The following KYNU variants were observed in gnomAD, a reference collection of about 807,000 sequenced individuals.
KYNU encodes L-kynurenine hydrolase.
Under a neutral mutation model 59.2 loss-of-function variants are expected in KYNU, and 54 were observed. The ratio of observed to expected loss-of-function variants is 0.91; its 90% CI spans 0.73 to 1.14. The LOEUF (loss-of-function observed/expected upper bound fraction) is 1.14. KYNU is among the 50% of genes most tolerant of loss of function. The pLI is 0.00. For synonymous variants in KYNU, 177 were observed against 192.0 expected, an observed-to-expected ratio of 0.92 and a Z score of 0.65; for missense variants, 567 against 554.4, an observed-to-expected ratio of 1.02 and a Z score of -0.23.
At chr2:142,881,411 C>A (rs1180556646) in intron 1 of KYNU, 1 of 152,140 alleles carries the variant, frequency 6.6e-6, no homozygotes, top group East Asian at 1.9e-4. Context: ...CCAAAAAGTA[C>A]AAGAATGAAA....
At chr2:142,887,595 C>A (rs1681562076) in intron 2 of KYNU, among the ~76,000 whole-genome samples, 1 of 152,132 alleles carries the variant, frequency 6.6e-6, no homozygotes, top group South Asian at 2.1e-4. Flanking sequence ...TTAAAAAGAA[C>A]CATGCTCTAC....
Position 143,046,655 on chromosome 2 carries a change from C to T in KYNU, c.*4483C>T, listed in dbSNP as rs761858575. The T allele has an allele frequency of 2.6e-5, 4 of 151,428 alleles. No individual in the cohort carries two copies. The highest frequency in any genetic ancestry group is 6.6e-5 in the Admixed American group (1 of 15,178). 9.4% of individuals were successfully genotyped at this position (151,428 alleles called of 1,614,324 possible). ...ACACTGGCTAATTTGCTTGTTTTTT[C>T]ATCAATACTTCACTTCCTTAATTAC... On this transcript the variant is annotated 3_prime_UTR_variant, in exon 14 of 14. Coordinates refer to ENST00000264170, the MANE Select transcript of KYNU (RefSeq NM_003937.3).
chr2:142,961,192 C>CA (rs71404458), intron 8 of KYNU, among the ~76,000 whole-genome samples: 24,783 of 110,492 alleles, frequency 0.22, 5,458 homozygotes, highest in African/African-American at 0.56. Context: ...GACTCCATCT[C>CA]AAAAAAAAAA....
intron 1 of KYNU, among the ~76,000 whole-genome samples, chr2:142,881,908 TC>T (rs1681311021): frequency 1.5e-5 from 2 of 129,724 alleles, no homozygotes; most frequent in Admixed American, 8.5e-5. Context: ...GCTTTTCTTT[TC>T]TTTTTTCTTT....
At chr2:143,013,424 C>A (rs773309798) in intron 10 of KYNU, among the ~76,000 whole-genome samples, 7 of 151,978 alleles carry the variant, frequency 4.6e-5, no homozygotes, top group African/African-American at 7.3e-5. Context: ...GTGCAGATAT[C>A]TTTACAAGGT....
intron 4 of KYNU, among the ~76,000 whole-genome samples, chr2:142,949,239 C>T (rs112822852): frequency 0.066 from 10,035 of 152,196 alleles, 859 homozygotes; most frequent in African/African-American, 0.2. Context: ...CTTTTCTGGG[C>T]GCATGGTGCA....
intron 6 of KYNU, among the ~76,000 whole-genome samples, chr2:142,956,841 CAAAT>C (rs1211736927): frequency 1.3e-5 from 2 of 152,020 alleles, no homozygotes; most frequent in African/African-American, 4.8e-5. Flanking sequence ...GACACAAACA[CAAAT>C]AAAAGTACAA....
intron 10 of KYNU, among the ~76,000 whole-genome samples, chr2:143,006,778 A>AC (rs552228378): frequency 4.2e-4 from 64 of 151,478 alleles, no homozygotes; most frequent in Admixed American, 2.2e-3. Flanking sequence ...ACTGGGAGGC[A>AC]CCCCCCAGCA....
intron 10 of KYNU, among the ~76,000 whole-genome samples, chr2:143,000,632 G>T (rs529351018): frequency 5.4e-5 from 8 of 147,742 alleles, no homozygotes; most frequent in Non-Finnish European, 1.2e-4. Flanking sequence ...TCTGGCACTA[G>T]AAAAGCTTTT....
At chr2:142,918,768 AC>A (rs759168096) in intron 3 of KYNU, 39 bp downstream of exon 3, 1 of 1,582,440 alleles carries the variant, frequency 6.3e-7, no homozygotes, top group Non-Finnish European at 8.7e-7. Context: ...TACATCTCAT[AC>A]AAAAATTTAC....
At chr2:142,947,040 A>C in intron 4 of KYNU, 1 of 1,546,926 alleles carries the variant, frequency 6.5e-7, no homozygotes, top group Non-Finnish European at 8.7e-7. Context: ...GCTGATTCTC[A>C]CCTCACCCTT....
At chr2:142,880,171 A>G (rs75916027) in intron 1 of KYNU, among the ~76,000 whole-genome samples, 2,395 of 152,334 alleles carry the variant, frequency 0.016, 61 homozygotes, top group African/African-American at 0.055. Flanking sequence ...GATAAATTAA[A>G]CATGATTCAG....
At chr2:142,879,320 C>T (rs1162356080) in intron 1 of KYNU, 1 of 152,150 alleles carries the variant, frequency 6.6e-6, no homozygotes, top group Non-Finnish European at 1.5e-5. Context: ...AAGACTATGC[C>T]CATCAGGTAT....
At position 143,040,903 on chromosome 2, in the gene KYNU, A is replaced by T. The variant is rs191624513; in HGVS notation, c.1272+245A>T. On this transcript the variant is annotated intron_variant, in intron 13 of 13. Coordinates refer to ENST00000264170, the MANE Select transcript of KYNU (RefSeq NM_003937.3). ...AGGAATAGTTTTTTGTAACTTACTC[A>T]TTCTTTTCATAACAGTTTGGGCAGA... Among the ~76,000 whole-genome samples the T allele has an allele frequency of 3.0e-4, 46 of 152,210 alleles. No individual in the cohort carries two copies. The East Asian group carries it at 5.8e-3, about 19-fold the overall frequency.
intron 3 of KYNU, among the ~76,000 whole-genome samples, chr2:142,922,259 G>A (rs538532591): frequency 6.6e-6 from 1 of 152,216 alleles, no homozygotes; most frequent in African/African-American, 2.4e-5. Flanking sequence ...CCAGGACTTT[G>A]GGAGGCCAAG....
At chr2:142,964,171 G>T (rs1203096662) in intron 8 of KYNU, among the ~76,000 whole-genome samples, 5 of 150,758 alleles carry the variant, frequency 3.3e-5, no homozygotes, top group Non-Finnish European at 7.4e-5. Context: ...TAGATCACAG[G>T]TTTTTTCCGT....
chr2:142,898,204 C>G (rs571108921), intron 2 of KYNU, among the ~76,000 whole-genome samples: 30 of 152,262 alleles, frequency 2.0e-4, no homozygotes, highest in African/African-American at 7.2e-4. Context: ...ACCAGCAAAT[C>G]ATACATTTCT....
intron 2 of KYNU, among the ~76,000 whole-genome samples, chr2:142,887,880 T>A (rs1336400222): frequency 6.6e-6 from 1 of 152,196 alleles, no homozygotes; most frequent in Non-Finnish European, 1.5e-5. Context: ...CACTTAAAAT[T>A]GTTAACAGAA....
chr2:142,989,549 A>G, intron 10 of KYNU: 1 of 933,084 alleles, frequency 1.1e-6, no homozygotes, highest in Non-Finnish European at 1.3e-6. Flanking sequence ...ATTTCTTCTC[A>G]TGGTCCACTC....
Sources: gnomAD v4.1 joint callset for allele counts (sites outside exome capture counted in the v4.1 genomes callset) on GRCh38, gnomAD v4.1.1 for gene constraint, MANE v1.5 for transcripts, NCBI Gene and HGNC (gene_info 2026-07-23, HGNC 2026-07-21) for gene names.